CSMD1: variants seen among roughly 807,000 people sequenced by gnomAD.
The protein encoded by CSMD1 is CUB and sushi domain-containing protein 1.
A neutral mutation model predicts 417.5 loss-of-function variants in CSMD1; 213 were observed. The observed-to-expected ratio is 0.51, with a 90% confidence interval of 0.46 to 0.57. The LOEUF (loss-of-function observed/expected upper bound fraction) is 0.57. CSMD1 is among the 20% of genes least tolerant of loss of function. The pLI is 0.00. For synonymous variants in CSMD1, 2,862 were observed against 1,736.8 expected, an observed-to-expected ratio of 1.65 and a Z score of -16.11; for missense variants, 6,923 against 4,529.7, an observed-to-expected ratio of 1.53 and a Z score of -15.17.
At chr8:4,143,658 T>G (rs1039904324) in intron 3 of CSMD1, among the ~76,000 whole-genome samples, 1 of 150,918 alleles carries the variant, frequency 6.6e-6, no homozygotes. Flanking sequence ...TGACTGTGAG[T>G]TCTCCAGGTT....
Position 2,938,462 on chromosome 8 carries a change from A to G in CSMD1, c.*123T>C. The G allele has an allele frequency of 1.1e-6, 1 of 906,196 alleles. No individual in the cohort carries two copies. Among genetic ancestry groups the G allele is most frequent in the Non-Finnish European group, 1.7e-6 (1 of 603,958 alleles). 56.1% of individuals were successfully genotyped at this position (906,196 alleles called of 1,614,324 possible). ...ATCCCCGCTGCACTTATGCCAGTAG[A>G]CAAGGTTGAAGATCGCTGCAGTAAA... On this transcript the variant is annotated 3_prime_UTR_variant, in exon 70 of 70. Coordinates refer to ENST00000635120, the MANE Select transcript of CSMD1 (RefSeq NM_033225.6).
intron 5 of CSMD1, among the ~76,000 whole-genome samples, chr8:3,924,900 A>C (rs1809542919): frequency 6.6e-6 from 1 of 151,974 alleles, no homozygotes; most frequent in Non-Finnish European, 1.5e-5. Context: ...TTGTTTTGCT[A>C]TTTTGGTACC....
intron 23 of CSMD1, among the ~76,000 whole-genome samples, chr8:3,312,825 G>T (rs1344719240): frequency 6.6e-6 from 1 of 151,994 alleles, no homozygotes; most frequent in Non-Finnish European, 1.5e-5. Flanking sequence ...TCAATCTGGT[G>T]TTTCAGACAC....
chr8:4,265,419 A>C lies in CSMD1; in HGVS notation c.415+154534T>G, dbSNP rs1262615276. Among the ~76,000 whole-genome samples the C allele has an allele frequency of 4.3e-5, 2 of 46,000 alleles. 1 individual carries two copies. The highest frequency in any genetic ancestry group is 2.2e-4 in the Non-Finnish European group (2 of 9,114). The allele number at this position is 46,000 out of a possible 152,430, so 30.2% of individuals were successfully genotyped here. On this transcript the variant is annotated intron_variant, in intron 3 of 69. Transcript: ENST00000635120. ...TAATGCACCATATTCAGAGTTCTTC[A>C]AAGCCAGTTGAAAAAGTGTCCTCTA...
At chr8:3,319,494 T>C (rs1235199148) in intron 23 of CSMD1, among the ~76,000 whole-genome samples, 1 of 152,218 alleles carries the variant, frequency 6.6e-6, no homozygotes, top group African/African-American at 2.4e-5. Flanking sequence ...AAGTAAAAGA[T>C]AGTTCTACCA....
intron 10 of CSMD1, among the ~76,000 whole-genome samples, chr8:3,494,116 A>G (rs1796261474): frequency 6.6e-6 from 1 of 152,254 alleles, no homozygotes; most frequent in Non-Finnish European, 1.5e-5. Flanking sequence ...AATGCTCTGC[A>G]ATAAATATTT....
chr8:3,748,582 G>A (rs1797169687), intron 6 of CSMD1, among the ~76,000 whole-genome samples: 1 of 152,146 alleles, frequency 6.6e-6, no homozygotes, highest in African/African-American at 2.4e-5. Context: ...AAAAGGAGAG[G>A]CAACCATGCA....
At chr8:3,877,065 T>A (rs112883494) in intron 5 of CSMD1, among the ~76,000 whole-genome samples, 1 of 152,212 alleles carries the variant, frequency 6.6e-6, no homozygotes, top group African/African-American at 2.4e-5. Context: ...GTAACCACAA[T>A]GTCTTAAGGT....
chr8:3,749,502 G>A (rs1442939390), intron 6 of CSMD1, among the ~76,000 whole-genome samples: 1 of 152,130 alleles, frequency 6.6e-6, no homozygotes, highest in African/African-American at 2.4e-5. Context: ...CGAGAATAAA[G>A]AATTTGGAGA....
At chr8:3,407,840 A>T in intron 14 of CSMD1, 59 bp downstream of exon 14, 1 of 1,436,622 alleles carries the variant, frequency 7.0e-7, no homozygotes, top group Non-Finnish European at 9.4e-7. Flanking sequence ...ATATAAGCAA[A>T]ATGGGAACAT....
rs1798711254 is a variant in CSMD1 at position 4,808,433 on chromosome 8, A to T, written c.86-170875T>A. 3.9e-5 allele frequency among the ~76,000 whole-genome samples: 6 copies of T among 152,222 alleles called. No homozygotes were observed. The South Asian group carries it at 1.2e-3, about 32-fold the overall frequency. ...GGAAAAAGACGGAAACATGGATCTA[A>T]AGAATTAAGCTCTTGTAACTTACTT... is the stretch of plus-strand genomic sequence containing the variant. On this transcript the variant is annotated intron_variant, in intron 1 of 69. Transcript: ENST00000635120.
At chr8:4,260,114 C>G (rs17069769) in intron 3 of CSMD1, among the ~76,000 whole-genome samples, 18,959 of 151,988 alleles carry the variant, frequency 0.12, 1,365 homozygotes, top group Admixed American at 0.16. Flanking sequence ...GACTCTTCAA[C>G]AAATTGCTAA....
chr8:3,731,264 A>T (rs561085136), intron 6 of CSMD1, among the ~76,000 whole-genome samples: 1 of 152,178 alleles, frequency 6.6e-6, no homozygotes, highest in East Asian at 1.9e-4. Flanking sequence ...TTCTACATTG[A>T]CCAGCATTTA....
intron 5 of CSMD1, among the ~76,000 whole-genome samples, chr8:3,779,979 T>A (rs1799088947): frequency 6.6e-6 from 1 of 152,194 alleles, no homozygotes; most frequent in South Asian, 2.1e-4. Flanking sequence ...ACCAAAAGAA[T>A]GTGAACTTCC....
intron 3 of CSMD1, among the ~76,000 whole-genome samples, chr8:4,374,034 A>C (rs13269315): frequency 0.22 from 33,667 of 152,120 alleles, 3,940 homozygotes; most frequent in Middle Eastern, 0.3. Flanking sequence ...CTCAGTAAAA[A>C]TACGTGATCA....
rs181276446 is a variant in CSMD1, at chr8:4,024,464, G to C, written c.610+7441C>G. ...CATATGTTACTGATCTTCAATGTTA[G>C]TAAAGTTGGGATGAGACCACCCAAA... On this transcript the variant is annotated intron_variant, in intron 4 of 69. Coordinates refer to ENST00000635120, the MANE Select transcript of CSMD1 (RefSeq NM_033225.6). 2.6e-5 allele frequency among the ~76,000 whole-genome samples: 4 copies of C among 152,310 alleles called. No individual in the cohort carries two copies. In the East Asian group the frequency reaches 5.8e-4, roughly 22 times the overall value.
intron 5 of CSMD1, among the ~76,000 whole-genome samples, chr8:3,979,286 T>A (rs906001186): frequency 2.6e-5 from 4 of 152,196 alleles, no homozygotes; most frequent in African/African-American, 9.6e-5. Context: ...TGTGCTCTAA[T>A]TTGTTCTGGA....
intron 23 of CSMD1, among the ~76,000 whole-genome samples, chr8:3,311,352 T>A (rs1000283110): frequency 5.3e-5 from 8 of 152,030 alleles, no homozygotes; most frequent in Admixed American, 1.3e-4. Flanking sequence ...TGGGTTCCAG[T>A]GATTCTCCTG....
chr8:3,561,746 C>A (rs1345957620), intron 10 of CSMD1, among the ~76,000 whole-genome samples: 1 of 152,036 alleles, frequency 6.6e-6, no homozygotes, highest in Non-Finnish European at 1.5e-5. Flanking sequence ...TGTGACAAAA[C>A]TGGACATATA....
Sources: allele counts gnomAD v4.1 joint callset (sites outside exome capture counted in the v4.1 genomes callset), GRCh38; gene constraint gnomAD v4.1.1; transcripts MANE v1.5; gene names NCBI Gene and HGNC (gene_info 2026-07-23, HGNC 2026-07-21).